The following GPR39 variants were observed in gnomAD, a reference collection of about 807,000 sequenced individuals.
The protein encoded by GPR39 is G protein-coupled receptor 39, also known as zinc sensing receptor.
In GPR39, 23 loss-of-function variants were observed where a neutral mutation model predicts 18.4. The observed-to-expected ratio is 1.25, with a 90% CI of 0.90 to 1.77. The LOEUF is 1.77. GPR39 is among the 40% of genes most tolerant of loss of function. The pLI, the probability that GPR39 is intolerant of heterozygous loss-of-function variation, is 0.00. For synonymous variants in GPR39, 280 were observed against 257.9 expected (o/e 1.09, Z -0.82); for missense variants, 647 against 602.4 (o/e 1.07, Z -0.78).
intron 1 of GPR39, among the ~76,000 whole-genome samples, chr2:132,579,619 T>G (rs1680590855): frequency 6.6e-6 from 1 of 152,180 alleles, no homozygotes; most frequent in Non-Finnish European, 1.5e-5. Context: ...TTTGCTACCT[T>G]CTGGTCTTAG....
chr2:132,584,123 T>C (rs1185981128), intron 1 of GPR39, among the ~76,000 whole-genome samples: 1 of 151,994 alleles, frequency 6.6e-6, no homozygotes, highest in Non-Finnish European at 1.5e-5. Flanking sequence ...CAGGTTGCAG[T>C]TGAACGTGGT....
At chr2:132,555,958 G>T (rs1258505716) in intron 1 of GPR39, among the ~76,000 whole-genome samples, 7 of 152,120 alleles carry the variant, frequency 4.6e-5, no homozygotes, top group Admixed American at 4.6e-4. Flanking sequence ...AACATAAATT[G>T]CTGGGCCCCA....
At chr2:132,462,189 G>C (rs998311398) in intron 1 of GPR39, among the ~76,000 whole-genome samples, 2 of 152,172 alleles carry the variant, frequency 1.3e-5, no homozygotes, top group Non-Finnish European at 2.9e-5. Context: ...TTTGCTCACA[G>C]CCCAGGGAGG....
In GPR39 at chr2:132,572,220, G is replaced by T. The variant is rs13431145; in HGVS notation, c.857-72881G>T. On this transcript the variant is annotated intron_variant, in intron 1 of 1. Transcript: ENST00000329321. ...AATATCTTCCACTCAAGGCCAGCTC[G>T]TGTTGGCCCTCTGCCCCTTCTTCCG... Among the ~76,000 whole-genome samples the T allele has an allele frequency of 2.3e-3, 344 of 152,230 alleles. 3 individuals carry two copies. The highest frequency in any genetic ancestry group is 8.1e-3 in the African/African-American group (336 of 41,522).
chr2:132,417,110 T>C lies in GPR39; in HGVS notation c.68T>C (p.Phe23Ser). The change falls in exon 1 of 2, where the codon TTT (phenylalanine) becomes TCT (serine). Residue 23 changes from phenylalanine to serine, a missense_variant. Coordinates refer to ENST00000329321, the MANE Select transcript of GPR39 (RefSeq NM_001508.3). ...QIIDHSHVPE[F>S]EVATWIKITL... is the part of the protein sequence containing the mutation. ...ATTGATCACAGTCATGTCCCCGAGT[T>C]TGAGGTGGCCACCTGGATCAAAATC... 1.2e-6 allele frequency: 2 copies of C among 1,614,060 alleles called. No individual in the cohort carries two copies. The highest frequency in any genetic ancestry group is 1.7e-6 in the Non-Finnish European group (2 of 1,179,998).
chr2:132,534,460 A>G (rs1679704178), intron 1 of GPR39, among the ~76,000 whole-genome samples: 1 of 148,556 alleles, frequency 6.7e-6, no homozygotes, highest in African/African-American at 2.4e-5. Context: ...AACTAGAAAT[A>G]CCATTTGACC....
intron 1 of GPR39, among the ~76,000 whole-genome samples, chr2:132,505,180 A>C (rs1679112384): frequency 6.6e-6 from 1 of 152,206 alleles, no homozygotes; most frequent in South Asian, 2.1e-4. Context: ...TGAGTTCTGC[A>C]GTAGGACAGG....
chr2:132,610,568 G>C (rs1337151138), intron 1 of GPR39, among the ~76,000 whole-genome samples: 1 of 151,990 alleles, frequency 6.6e-6, no homozygotes, highest in Non-Finnish European at 1.5e-5. Flanking sequence ...CTTGAGGTCA[G>C]GAGTTCAAGA....
intron 1 of GPR39, among the ~76,000 whole-genome samples, chr2:132,558,870 A>AT (rs1680199371): frequency 6.6e-6 from 1 of 152,170 alleles, no homozygotes; most frequent in Non-Finnish European, 1.5e-5. Flanking sequence ...AGTTTACACA[A>AT]GCTTCTTGGC....
intron 1 of GPR39, among the ~76,000 whole-genome samples, chr2:132,429,664 A>G (rs76948680): frequency 6.6e-6 from 1 of 152,238 alleles, no homozygotes; most frequent in African/African-American, 2.4e-5. Flanking sequence ...AGGAGCCTTT[A>G]GAGAGAGCAA....
At chr2:132,517,710 T>A (rs1416427410) in intron 1 of GPR39, among the ~76,000 whole-genome samples, 5 of 152,228 alleles carry the variant, frequency 3.3e-5, no homozygotes, top group Non-Finnish European at 7.3e-5. Flanking sequence ...AGTATTCAGT[T>A]TTATAAGTAA....
chr2:132,483,004 C>T (rs905395536), intron 1 of GPR39, among the ~76,000 whole-genome samples: 3 of 152,150 alleles, frequency 2.0e-5, no homozygotes, highest in African/African-American at 4.8e-5. Context: ...ATGGAGTGCA[C>T]GGACCTGAGA....
intron 1 of GPR39, among the ~76,000 whole-genome samples, chr2:132,552,877 TATATATATACACACA>T (rs1558836931): frequency 7.9e-4 from 81 of 102,326 alleles, no homozygotes; most frequent in African/African-American, 3.7e-3. Context: ...TATATACACA[TATATATATACACACA>T]TATATATATA....
At chr2:132,594,983 T>A (rs962804926) in intron 1 of GPR39, among the ~76,000 whole-genome samples, 1 of 151,942 alleles carries the variant, frequency 6.6e-6, no homozygotes, top group Non-Finnish European at 1.5e-5. Context: ...TATTTAGAGG[T>A]GAATTGATTT....
At chr2:132,431,199 G>T (rs967740039) in intron 1 of GPR39, among the ~76,000 whole-genome samples, 1 of 152,146 alleles carries the variant, frequency 6.6e-6, no homozygotes, top group Non-Finnish European at 1.5e-5. Context: ...TTGAAACTTG[G>T]CCTGGAAAAC....
chr2:132,500,261 A>C (rs878860854), intron 1 of GPR39, among the ~76,000 whole-genome samples: 1 of 152,112 alleles, frequency 6.6e-6, no homozygotes, highest in Non-Finnish European at 1.5e-5. Flanking sequence ...TGTCCCTTCT[A>C]TGCCGATTTT....
At chr2:132,632,192 C>T (rs1013289718) in intron 1 of GPR39, among the ~76,000 whole-genome samples, 3 of 152,098 alleles carry the variant, frequency 2.0e-5, no homozygotes, top group Non-Finnish European at 4.4e-5. Flanking sequence ...GGTGGAAGTT[C>T]TTGCTTTCCA....
intron 1 of GPR39, among the ~76,000 whole-genome samples, chr2:132,610,634 A>C (rs1337588657): frequency 6.6e-6 from 1 of 151,974 alleles, no homozygotes; most frequent in Non-Finnish European, 1.5e-5. Context: ...AAAATTAGCC[A>C]GGTGTGGTGG....
chr2:132,483,398 G>T (rs1464433972), intron 1 of GPR39, among the ~76,000 whole-genome samples: 3 of 152,236 alleles, frequency 2.0e-5, no homozygotes, highest in African/African-American at 7.2e-5. Context: ...TCTAGTGGGT[G>T]CATGGCACGA....
Sources: allele counts gnomAD v4.1 joint callset (sites outside exome capture counted in the v4.1 genomes callset), GRCh38; gene constraint gnomAD v4.1.1; transcripts MANE v1.5; gene names NCBI Gene and HGNC (gene_info 2026-07-23, HGNC 2026-07-21).